RAB28: variants seen among roughly 807,000 people sequenced by gnomAD.
The protein encoded by RAB28 is RAB28, member RAS oncogene family, also known as ras-related protein Rab-28.
A neutral mutation model predicts 31.7 loss-of-function variants in RAB28; 24 were observed. The observed-to-expected ratio is 0.76, with a 90% CI of 0.55 to 1.06. The LOEUF (loss-of-function observed/expected upper bound fraction) is 1.06. Among genes scored for constraint, RAB28 ranks in the 50% least tolerant of loss-of-function variants. The pLI is 0.00. For synonymous variants in RAB28, 100 were observed against 90.4 expected, an observed-to-expected ratio of 1.11 and a Z score of -0.60; for missense variants, 254 against 258.5, an observed-to-expected ratio of 0.98 and a Z score of 0.12.
rs535295817 is a variant in RAB28, at chr4:13,415,683, T to C, written c.392-34089A>G. On this transcript the variant is annotated intron_variant, in intron 4 of 6. Coordinates refer to ENST00000330852, the MANE Select transcript of RAB28 (RefSeq NM_001017979.3). ...CTCCAACCACGCCACCCTGGGCTCC[T>C]GTGTGGCCCAAGCCTCCCCAACGAG... 2.6e-5 allele frequency among the ~76,000 whole-genome samples: 4 copies of C among 152,026 alleles called. No individual in the cohort carries two copies. In the South Asian group the frequency reaches 8.3e-4, roughly 32 times the overall value.
chr4:13,437,607 A>G (rs1330110995), intron 4 of RAB28, among the ~76,000 whole-genome samples: 1 of 152,156 alleles, frequency 6.6e-6, no homozygotes, highest in Non-Finnish European at 1.5e-5. Context: ...AAAATGCTCA[A>G]TATCACTAAT....
chr4:13,449,748 C>G (rs1481676817), intron 4 of RAB28, among the ~76,000 whole-genome samples: 1 of 151,902 alleles, frequency 6.6e-6, no homozygotes, highest in East Asian at 1.9e-4. Context: ...AGAAATCATT[C>G]ATCCATCCAC....
At position 13,468,907 on chromosome 4, in the gene RAB28, T is replaced by C. The variant is rs191423276; in HGVS notation, c.261+5411A>G. 2.7e-4 allele frequency among the ~76,000 whole-genome samples: 41 copies of C among 151,938 alleles called. No individual in the cohort carries two copies. The East Asian group carries it at 7.2e-3, about 27-fold the overall frequency. On this transcript the variant is annotated intron_variant, in intron 3 of 6. Transcript: ENST00000330852. ...ATATGGGTTTTCACTACCGATCCCA[T>C]AGACATTAAAAAGATAATATAAACA...
At chr4:13,369,729 C>G in intron 6 of RAB28, 2 of 792,632 alleles carry the variant, frequency 2.5e-6, no homozygotes, top group Non-Finnish European at 3.5e-6. Flanking sequence ...AGTTCTAAAT[C>G]AAGACGTAGA....
rs574286182 is a variant in RAB28 at position 13,482,377 on chromosome 4, A to G, written c.75+1699T>C. Among the ~76,000 whole-genome samples, 3 of 151,178 alleles carry G rather than the reference A, an allele frequency of 2.0e-5. No individual in the cohort carries two copies. In the South Asian group the frequency reaches 6.2e-4, roughly 31 times the overall value. On this transcript the variant is annotated intron_variant, in intron 1 of 6. Transcript: ENST00000330852. Reference sequence around the variant, plus strand: ...TAGAAAAATGAACAACAGTTTAAAGAATTATGATAGCATATAGGATAACCA... The same window carrying G: ...TAGAAAAATGAACAACAGTTTAAAGGATTATGATAGCATATAGGATAACCA...
chr4:13,452,773 G>A lies in RAB28; in HGVS notation c.391+7926C>T, dbSNP rs140931025. The stretch of plus-strand genomic sequence containing the variant: ...TGGGCAGGTGAAATGTTCTGTAAAC[G>A]TCTGTTAGGTGCAGTTTGGTCTATC... On this transcript the variant is annotated intron_variant, in intron 4 of 6. Coordinates refer to ENST00000330852, the MANE Select transcript of RAB28 (RefSeq NM_001017979.3). Among the ~76,000 whole-genome samples, 911 of 152,144 alleles carry A rather than the reference G, an allele frequency of 6.0e-3. 2 individuals are homozygous for A. The highest frequency in any genetic ancestry group is 7.7e-3 in the Non-Finnish European group (524 of 67,908).
chr4:13,483,760 G>C (rs1417135104), intron 1 of RAB28, among the ~76,000 whole-genome samples: 2 of 152,226 alleles, frequency 1.3e-5, no homozygotes, highest in Non-Finnish European at 2.9e-5. Context: ...ACAAGTAAGA[G>C]GAGCTAAGAT....
At chr4:13,402,900 T>TC (rs1711855737) in intron 4 of RAB28, among the ~76,000 whole-genome samples, 1 of 152,148 alleles carries the variant, frequency 6.6e-6, no homozygotes, top group Admixed American at 6.5e-5. Context: ...TCTCAAGCTA[T>TC]CCTCCCGCCT....
chr4:13,448,649 T>C (rs1235117310), intron 4 of RAB28, among the ~76,000 whole-genome samples: 2 of 152,044 alleles, frequency 1.3e-5, no homozygotes, highest in African/African-American at 4.8e-5. Context: ...TCCCCAACAG[T>C]TGTCAGTAAC....
chr4:13,437,375 A>G (rs1714181331), intron 4 of RAB28, among the ~76,000 whole-genome samples: 1 of 152,222 alleles, frequency 6.6e-6, no homozygotes, highest in South Asian at 2.1e-4. Context: ...GGACTTAATT[A>G]AACTAAAGAG....
At chr4:13,384,099 C>T (rs957325917) in intron 4 of RAB28, among the ~76,000 whole-genome samples, 1 of 152,190 alleles carries the variant, frequency 6.6e-6, no homozygotes. Flanking sequence ...CAGAGCCTCA[C>T]CCCTGCACCA....
chr4:13,384,594 G>A (rs951322966), intron 4 of RAB28, among the ~76,000 whole-genome samples: 11 of 152,188 alleles, frequency 7.2e-5, no homozygotes, highest in Non-Finnish European at 1.3e-4. Flanking sequence ...CAGTCCAGGA[G>A]CTGGGAGCTG....
At chr4:13,423,958 TA>T (rs375203902) in intron 4 of RAB28, among the ~76,000 whole-genome samples, 5 of 147,618 alleles carry the variant, frequency 3.4e-5, no homozygotes, top group South Asian at 2.1e-4. Flanking sequence ...TACAAAAGGT[TA>T]AAAAAAAAAC....
At chr4:13,463,937 A>C (rs1715718710) in intron 3 of RAB28, among the ~76,000 whole-genome samples, 1 of 152,106 alleles carries the variant, frequency 6.6e-6, no homozygotes, top group African/African-American at 2.4e-5. Flanking sequence ...AATAAGAAAA[A>C]GGCAGAACAA....
Position 13,368,330 on chromosome 4 carries a change from G to T in RAB28, c.*228C>A, listed in dbSNP as rs1728587612. 1.7e-6 allele frequency: 2 copies of T among 1,180,286 alleles called. No homozygotes were observed. The highest frequency in any genetic ancestry group is 2.1e-6 in the Non-Finnish European group (2 of 955,196). 73.1% of individuals were successfully genotyped at this position (1,180,286 alleles called of 1,614,324 possible). ...TGCAATGAAGCAGTCTAATTCCAGG[G>T]AATGGGTTTTCCATTTTGAATTCAA... On this transcript the variant is annotated 3_prime_UTR_variant, in exon 7 of 7. Coordinates refer to ENST00000330852, the MANE Select transcript of RAB28 (RefSeq NM_001017979.3).
At chr4:13,462,716 T>C (rs556179827) in intron 3 of RAB28, among the ~76,000 whole-genome samples, 4 of 152,322 alleles carry the variant, frequency 2.6e-5, no homozygotes, top group East Asian at 1.9e-4. Flanking sequence ...AAATATTCTA[T>C]AATATACAAA....
chr4:13,430,343 G>A (rs1713745498), intron 4 of RAB28, among the ~76,000 whole-genome samples: 1 of 152,086 alleles, frequency 6.6e-6, no homozygotes, highest in South Asian at 2.1e-4. Flanking sequence ...ATGCCTAAAG[G>A]AAGAAGCTGG....
At chr4:13,427,728 T>C (rs1327102478) in intron 4 of RAB28, among the ~76,000 whole-genome samples, 2 of 152,084 alleles carry the variant, frequency 1.3e-5, no homozygotes. Flanking sequence ...ATTCCCAGAA[T>C]GCAAACGGAC....
At chr4:13,451,765 A>G (rs1457359394) in intron 4 of RAB28, among the ~76,000 whole-genome samples, 7 of 151,948 alleles carry the variant, frequency 4.6e-5, no homozygotes, top group African/African-American at 1.7e-4. Context: ...TTGTATTTGT[A>G]TAGGGTGAGA....
Sources: allele counts gnomAD v4.1 joint callset (sites outside exome capture counted in the v4.1 genomes callset), GRCh38; gene constraint gnomAD v4.1.1; transcripts MANE v1.5; gene names NCBI Gene and HGNC (gene_info 2026-07-23, HGNC 2026-07-21).